The following CYP2C19 variants were observed in gnomAD, a reference collection of about 807,000 sequenced individuals.
CYP2C19 encodes cytochrome P450 2C19.
In CYP2C19, 59 loss-of-function variants were observed where a neutral mutation model predicts 40.9. The ratio of observed to expected loss-of-function variants is 1.44; its 90% CI spans 1.17 to 1.79. The LOEUF is 1.79. CYP2C19 is among the 40% of genes most tolerant of loss of function. CYP2C19 has a pLI of 0.00. For missense variants in CYP2C19, 754 were observed against 596.9 expected (o/e 1.26, Z -2.74); for synonymous variants, 253 against 208.7 (o/e 1.21, Z -1.83).
chr10:94,789,545 T>C (rs1848581281), intron 5 of CYP2C19, among the ~76,000 whole-genome samples: 1 of 152,134 alleles, frequency 6.6e-6, no homozygotes, highest in Non-Finnish European at 1.5e-5. Context: ...AGGGATCCAG[T>C]TTCAGCTTTC....
chr10:94,797,512 T>C (rs1848706130), intron 5 of CYP2C19, among the ~76,000 whole-genome samples: 1 of 152,122 alleles, frequency 6.6e-6, no homozygotes, highest in African/African-American at 2.4e-5. Flanking sequence ...ATAAAATTAG[T>C]TAGGGAGGAT....
intron 5 of CYP2C19, among the ~76,000 whole-genome samples, chr10:94,813,450 T>G (rs1441973266): frequency 6.6e-6 from 1 of 152,032 alleles, no homozygotes; most frequent in Non-Finnish European, 1.5e-5. Context: ...TGACTGGGAC[T>G]GTTGCCTGTC....
intron 5 of CYP2C19, among the ~76,000 whole-genome samples, chr10:94,793,184 T>A (rs1032852823): frequency 2.6e-5 from 4 of 152,190 alleles, no homozygotes; most frequent in African/African-American, 4.8e-5. Context: ...ATAGTTCTCA[T>A]GACATGGTTT....
chr10:94,834,548 T>C (rs966640571), intron 6 of CYP2C19, among the ~76,000 whole-genome samples: 2 of 151,522 alleles, frequency 1.3e-5, no homozygotes, highest in African/African-American at 2.4e-5. Context: ...TGGTTTTCTT[T>C]CTTTTTTCTT....
intron 3 of CYP2C19, among the ~76,000 whole-genome samples, chr10:94,778,721 T>C (rs1450843638): frequency 6.6e-6 from 1 of 152,190 alleles, no homozygotes; most frequent in Non-Finnish European, 1.5e-5. Flanking sequence ...TCCTCAATGC[T>C]AGAACCAGAA....
intron 6 of CYP2C19, among the ~76,000 whole-genome samples, chr10:94,841,697 T>C (rs1270101450): frequency 6.6e-6 from 1 of 152,236 alleles, no homozygotes; most frequent in Non-Finnish European, 1.5e-5. Flanking sequence ...ATGTTTCCAT[T>C]ATCATTTGTT....
At chr10:94,801,266 G>A (rs191095723) in intron 5 of CYP2C19, among the ~76,000 whole-genome samples, 1 of 152,322 alleles carries the variant, frequency 6.6e-6, no homozygotes, top group East Asian at 1.9e-4. Flanking sequence ...TGCTTTAAAT[G>A]TGTCTCAGAG....
chr10:94,854,225 G>A lies in CYP2C19; in HGVS notation c.*1311G>A, dbSNP rs1036628670. Reference sequence around the variant, plus strand: ...GTAGAGACAGGGTTTCACTATGTGGGCCAGGCTAGTCTTGAACTCCTGACC... The same window carrying A: ...GTAGAGACAGGGTTTCACTATGTGGACCAGGCTAGTCTTGAACTCCTGACC... On this transcript the variant is annotated 3_prime_UTR_variant, in exon 9 of 9. Transcript: ENST00000371321. Among the ~76,000 whole-genome samples the A allele has an allele frequency of 6.6e-6, 1 of 151,714 alleles. No homozygotes were observed. Among genetic ancestry groups the A allele is most frequent in the African/African-American group, 2.4e-5 (1 of 41,288 alleles).
Position 94,839,981 on chromosome 10 carries a change from C to CTTTTTTTTTTT in CYP2C19, c.962-2848_962-2847insTTTTTTTTTTT, listed in dbSNP as rs1018144193. On this transcript the variant is annotated intron_variant, in intron 6 of 8. Coordinates refer to ENST00000371321, the MANE Select transcript of CYP2C19 (RefSeq NM_000769.4). ...TTTGAGTTAGTGAGCTACCTTTTTG[C>CTTTTTTTTTTT]TTTTTTTTATTTTTTTTTGACTAAG... 1.3e-5 allele frequency among the ~76,000 whole-genome samples: 2 copies of CTTTTTTTTTTT among 151,684 alleles called. 1 individual carries two copies. Among genetic ancestry groups the CTTTTTTTTTTT allele is most frequent in the African/African-American group, 4.9e-5 (2 of 41,188 alleles).
At chr10:94,770,338 CT>C (rs1848310712) in intron 1 of CYP2C19, among the ~76,000 whole-genome samples, 1 of 152,082 alleles carries the variant, frequency 6.6e-6, no homozygotes, top group South Asian at 2.1e-4. Context: ...ATTGGACAAT[CT>C]TTTTTAAAAA....
intron 5 of CYP2C19, among the ~76,000 whole-genome samples, chr10:94,818,321 T>C (rs1263195641): frequency 1.3e-5 from 2 of 150,570 alleles, no homozygotes; most frequent in East Asian, 2.0e-4. Flanking sequence ...AGTCAGGTAG[T>C]GTGATGCCTC....
chr10:94,829,826 G>A (rs1203032523), intron 6 of CYP2C19, among the ~76,000 whole-genome samples: 7 of 151,554 alleles, frequency 4.6e-5, no homozygotes, highest in African/African-American at 1.7e-4. Flanking sequence ...TGTGCAGATG[G>A]GTTTTTGGTG....
intron 6 of CYP2C19, among the ~76,000 whole-genome samples, chr10:94,821,600 G>A (rs918750884): frequency 3.3e-5 from 5 of 151,932 alleles, no homozygotes; most frequent in Admixed American, 2.0e-4. Flanking sequence ...TTTTTGGGGG[G>A]GCCAATAATT....
At chr10:94,766,790 G>A (rs1015518959) in intron 1 of CYP2C19, among the ~76,000 whole-genome samples, 1 of 151,910 alleles carries the variant, frequency 6.6e-6, no homozygotes, top group African/African-American at 2.4e-5. Flanking sequence ...GGTTCCTCAG[G>A]GGATGTCCAA....
At chr10:94,792,467 G>T (rs955254334) in intron 5 of CYP2C19, among the ~76,000 whole-genome samples, 1 of 152,092 alleles carries the variant, frequency 6.6e-6, no homozygotes, top group African/African-American at 2.4e-5. Flanking sequence ...TTTACAATTT[G>T]ACACTTTTTT....
At chr10:94,827,406 G>A (rs1328897717) in intron 6 of CYP2C19, among the ~76,000 whole-genome samples, 6 of 151,842 alleles carry the variant, frequency 4.0e-5, no homozygotes, top group South Asian at 4.2e-4. Context: ...TGTATGTGTC[G>A]AGGAATGTAT....
intron 5 of CYP2C19, among the ~76,000 whole-genome samples, chr10:94,796,495 C>G (rs902913818): frequency 3.3e-5 from 5 of 152,072 alleles, no homozygotes; most frequent in African/African-American, 1.2e-4. Flanking sequence ...TTTATTTCCA[C>G]AAGATCTTTA....
chr10:94,824,930 G>C (rs1849190982), intron 6 of CYP2C19, among the ~76,000 whole-genome samples: 2 of 148,490 alleles, frequency 1.3e-5, no homozygotes, highest in Admixed American at 1.3e-4. Flanking sequence ...TCTTGTGATA[G>C]TTTACTGAGA....
At chr10:94,814,681 T>A (rs545941028) in intron 5 of CYP2C19, among the ~76,000 whole-genome samples, 12 of 150,496 alleles carry the variant, frequency 8.0e-5, no homozygotes, top group African/African-American at 2.9e-4. Context: ...TTGGGCGTCC[T>A]CCTATTTTTA....
Sources: gnomAD v4.1 joint callset for allele counts (sites outside exome capture counted in the v4.1 genomes callset) on GRCh38, gnomAD v4.1.1 for gene constraint, MANE v1.5 for transcripts, NCBI Gene and HGNC (gene_info 2026-07-23, HGNC 2026-07-21) for gene names.